The following PTAR1 variants were observed in gnomAD, a reference collection of about 807,000 sequenced individuals.
The protein encoded by PTAR1 is protein prenyltransferase alpha subunit repeat containing 1.
Under a neutral mutation model 45.5 loss-of-function variants are expected in PTAR1, and 17 were observed. The ratio of observed to expected loss-of-function variants is 0.37; its 90% confidence interval spans 0.26 to 0.56. The LOEUF (loss-of-function observed/expected upper bound fraction) is 0.56. Among genes scored for constraint, PTAR1 ranks in the 20% least tolerant of loss-of-function variants. The pLI is 0.77. For synonymous variants in PTAR1, 169 were observed against 171.3 expected, an observed-to-expected ratio of 0.99 and a Z score of 0.11; for missense variants, 391 against 476.3, an observed-to-expected ratio of 0.82 and a Z score of 1.67.
chr9:69,722,643 G>T (rs1315523601), intron 6 of PTAR1, among the ~76,000 whole-genome samples: 2 of 144,246 alleles, frequency 1.4e-5, no homozygotes, highest in Non-Finnish European at 3.1e-5. Context: ...TTCTAGGGGG[G>T]AAAAAAAAAA....
chr9:69,754,723 T>TATA (rs1491490515), intron 1 of PTAR1, among the ~76,000 whole-genome samples: 1,788 of 14,756 alleles, frequency 0.12, 17 homozygotes, highest in Non-Finnish European at 0.22. Flanking sequence ...TATATATATA[T>TATA]TTTTTTTTTT....
intron 4 of PTAR1, 25 bp from the exon 5 acceptor site, chr9:69,732,377 A>G: frequency 6.6e-7 from 1 of 1,506,980 alleles, no homozygotes; most frequent in Admixed American, 1.7e-5. Flanking sequence ...TGTGGGAAAG[A>G]GAACACAGAA....
chr9:69,722,108 A>T (rs1301998413), intron 6 of PTAR1, among the ~76,000 whole-genome samples: 1 of 152,168 alleles, frequency 6.6e-6, no homozygotes, highest in African/African-American at 2.4e-5. Flanking sequence ...TTATGTTCTG[A>T]ATATATTTAG....
intron 3 of PTAR1, among the ~76,000 whole-genome samples, chr9:69,740,713 C>T (rs1174316005): frequency 6.6e-6 from 1 of 150,822 alleles, no homozygotes; most frequent in Admixed American, 6.6e-5. Context: ...ATTTTAAGTT[C>T]ATGGTACCTT....
In PTAR1 at chr9:69,709,889, T is replaced by C. The variant is rs1411506609; in HGVS notation, c.*8453A>G. On this transcript the variant is annotated 3_prime_UTR_variant, in exon 8 of 8. Coordinates refer to ENST00000340434, the MANE Select transcript of PTAR1 (RefSeq NM_001099666.2). ...CAGGACAGAATTTAGTGAACGCAAC[T>C]TAAAAATTTGTTAATGTAGTATAAT... 3 of 152,142 alleles carry C rather than the reference T, an allele frequency of 2.0e-5. No individual in the cohort carries two copies. In the East Asian group the frequency reaches 5.8e-4, roughly 29 times the overall value. 9.4% of individuals were successfully genotyped at this position (152,142 alleles called of 1,614,324 possible).
intron 5 of PTAR1, among the ~76,000 whole-genome samples, chr9:69,729,392 A>G (rs1825431038): frequency 6.6e-6 from 1 of 152,318 alleles, no homozygotes; most frequent in Admixed American, 6.5e-5. Context: ...CCTTTAAATC[A>G]TCTTCCAAAA....
intron 1 of PTAR1, among the ~76,000 whole-genome samples, chr9:69,758,859 TAAAA>T (rs34814489): frequency 1.4e-3 from 206 of 145,414 alleles, no homozygotes; most frequent in Non-Finnish European, 2.5e-3. Flanking sequence ...AATAATAAAC[TAAAA>T]AAAAAAAAAA....
chr9:69,735,748 A>G (rs947440191), intron 3 of PTAR1, among the ~76,000 whole-genome samples: 1 of 152,034 alleles, frequency 6.6e-6, no homozygotes, highest in South Asian at 2.1e-4. Flanking sequence ...CTGATTATTC[A>G]TTTATTTTAG....
At chr9:69,728,520 G>A (rs901512940) in intron 5 of PTAR1, among the ~76,000 whole-genome samples, 3 of 152,068 alleles carry the variant, frequency 2.0e-5, no homozygotes, top group Admixed American at 1.3e-4. Flanking sequence ...CCGTATTTTG[G>A]TGTGAAGTGG....
intron 2 of PTAR1, among the ~76,000 whole-genome samples, chr9:69,745,152 T>A (rs1212747658): frequency 6.6e-6 from 1 of 152,180 alleles, no homozygotes; most frequent in Non-Finnish European, 1.5e-5. Flanking sequence ...GACAAAGAAA[T>A]GAGTATTTTC....
Position 69,734,178 on chromosome 9 carries a change from G to T in PTAR1, c.400C>A (p.Pro134Thr). Residue 134 changes from proline to threonine, a missense_variant, in exon 4 of 8, where the codon CCA becomes ACA. By Grantham distance (38) the Pro-to-Thr change is conservative. This residue lies in a region of PTAR1 where 152 missense variants were observed against 160.0 expected (regional missense o/e 0.95). Transcript: ENST00000340434. Reference protein sequence around the residue: ...HLGKLALTKFPKSPETWIHRR... With the variant: ...HLGKLALTKFTKSPETWIHRR... ...TGAATCCATGTTTCTGGACTCTTTG[G>T]AAACTTGGTTAAGGCGAGTTTTCCC... 6.5e-7 allele frequency: 1 copy of T among 1,542,684 alleles called. No homozygotes were observed. The highest frequency in any genetic ancestry group is 8.8e-7 in the Non-Finnish European group (1 of 1,135,778).
At chr9:69,754,065 T>C (rs527260157) in intron 1 of PTAR1, among the ~76,000 whole-genome samples, 104 of 152,280 alleles carry the variant, frequency 6.8e-4, no homozygotes, top group African/African-American at 2.4e-3. Context: ...TAAAAAACAT[T>C]ACACATACTT....
intron 5 of PTAR1, among the ~76,000 whole-genome samples, chr9:69,730,359 T>C (rs1825479349): frequency 6.6e-6 from 1 of 151,960 alleles, no homozygotes; most frequent in African/African-American, 2.4e-5. Context: ...CTTTGGCCCC[T>C]TGTTCCTGAT....
chr9:69,724,582 C>A lies in PTAR1; in HGVS notation c.643-952G>T, dbSNP rs7047336. On this transcript the variant is annotated intron_variant, in intron 5 of 7. Coordinates refer to ENST00000340434, the MANE Select transcript of PTAR1 (RefSeq NM_001099666.2). ...CAAAGGTCCCAGGCAAATGCCTTCT[C>A]CTGTACCATGATCTTTTTTCCATTT... Among the ~76,000 whole-genome samples, 270 of 151,712 alleles carry A rather than the reference C, an allele frequency of 1.8e-3. 1 individual carries two copies. The highest frequency in any genetic ancestry group is 6.2e-3 in the African/African-American group (255 of 40,988).
At chr9:69,742,237 G>A (rs1256637972) in intron 2 of PTAR1, among the ~76,000 whole-genome samples, 1 of 151,914 alleles carries the variant, frequency 6.6e-6, no homozygotes, top group South Asian at 2.1e-4. Context: ...CGGTGTGTGC[G>A]AATTTTCAAA....
chr9:69,759,769 C>G lies in PTAR1; in HGVS notation c.86+84G>C. 2.2e-6 allele frequency: 3 copies of G among 1,371,358 alleles called. No individual in the cohort carries two copies. In the South Asian group the frequency reaches 4.2e-5, roughly 19 times the overall value. The allele number at this position is 1,371,358 out of a possible 1,614,324, so 84.9% of individuals were successfully genotyped here. Reference sequence around the variant, plus strand: ...CGTGGGCCAGGACCCGCTGTCCGCCCGCCGCCCGAGGTCGGGTGGACGCTT... The same window carrying G: ...CGTGGGCCAGGACCCGCTGTCCGCCGGCCGCCCGAGGTCGGGTGGACGCTT... On this transcript the variant is annotated intron_variant, in intron 1 of 7. Coordinates refer to ENST00000340434, the MANE Select transcript of PTAR1 (RefSeq NM_001099666.2).
chr9:69,726,106 C>T (rs1040586904), intron 5 of PTAR1, among the ~76,000 whole-genome samples: 3 of 151,914 alleles, frequency 2.0e-5, no homozygotes, highest in African/African-American at 4.8e-5. Context: ...AAAAGTGATA[C>T]AAAATGATCA....
chr9:69,751,045 T>A, intron 1 of PTAR1, 95 bp from the exon 2 acceptor site: 1 of 834,870 alleles, frequency 1.2e-6, no homozygotes, highest in Non-Finnish European at 1.8e-6. Flanking sequence ...CCCCACATAT[T>A]TCCCCCTTCC....
chr9:69,709,966 C>G lies in PTAR1; in HGVS notation c.*8376G>C, dbSNP rs1361060391. On this transcript the variant is annotated 3_prime_UTR_variant, in exon 8 of 8. Coordinates refer to ENST00000340434, the MANE Select transcript of PTAR1 (RefSeq NM_001099666.2). ...ATGGAATTATTCCTCCTTAATAATG[C>G]TTGGCAAATTGGAACAGGCTGATCC... 4 of 152,046 alleles carry G rather than the reference C, an allele frequency of 2.6e-5. No individual in the cohort carries two copies. Among genetic ancestry groups the G allele is most frequent in the Non-Finnish European group, 4.4e-5 (3 of 67,980 alleles). The allele number at this position is 152,046 out of a possible 1,614,324, so 9.4% of individuals were successfully genotyped here.
Sources: allele counts gnomAD v4.1 joint callset (sites outside exome capture counted in the v4.1 genomes callset), GRCh38; gene constraint gnomAD v4.1.1; regional missense constraint gnomAD v4.1.1; transcripts MANE v1.5; gene names NCBI Gene and HGNC (gene_info 2026-07-23, HGNC 2026-07-21).